The following SKA2 variants were observed in gnomAD, a reference collection of about 807,000 sequenced individuals.
The protein encoded by SKA2 is spindle and kinetochore associated complex subunit 2.
In SKA2, 13 loss-of-function variants were observed where a neutral mutation model predicts 16.9. The observed-to-expected ratio is 0.77, with a 90% CI of 0.50 to 1.22. The LOEUF (loss-of-function observed/expected upper bound fraction) is 1.22, where lower values mean the gene tolerates loss of function less well. Ranked by LOEUF, SKA2 falls within the 50% of genes most tolerant of loss-of-function variation. The pLI is 0.00. For synonymous variants in SKA2, 47 were observed against 48.5 expected (o/e 0.97, Z 0.13); for missense variants, 107 against 139.7 (o/e 0.77, Z 1.18).
intron 2 of SKA2, chr17:59,124,329 G>T (rs1002250460): frequency 3.3e-5 from 5 of 152,004 alleles, no homozygotes; most frequent in Non-Finnish European, 7.3e-5. Context: ...CTACGCAGGA[G>T]ACTGAGGTGG....
chr17:59,125,894 G>A (rs1039730454), intron 2 of SKA2, among the ~76,000 whole-genome samples: 15 of 152,066 alleles, frequency 9.9e-5, no homozygotes, highest in Non-Finnish European at 2.2e-4. Flanking sequence ...TTTCTCTGCC[G>A]GGCGTGGTGG....
intron 1 of SKA2, chr17:59,137,893 A>C (rs369171474): frequency 1.4e-5 from 7 of 490,664 alleles, no homozygotes; most frequent in African/African-American, 1.2e-4. Flanking sequence ...GTTAGATGGC[A>C]GAAATTCACT....
At chr17:59,138,638 C>G (rs1052566425) in intron 1 of SKA2, among the ~76,000 whole-genome samples, 7 of 151,812 alleles carry the variant, frequency 4.6e-5, no homozygotes, top group African/African-American at 1.5e-4. Flanking sequence ...CACCATTTTG[C>G]CCAGACTAGT....
chr17:59,122,608 C>T (rs1363562687), intron 2 of SKA2, among the ~76,000 whole-genome samples: 1 of 151,918 alleles, frequency 6.6e-6, no homozygotes, highest in Non-Finnish European at 1.5e-5. Context: ...AAGACTCCAT[C>T]TCAAAAAATA....
At chr17:59,132,004 A>G (rs2046414849) in intron 1 of SKA2, among the ~76,000 whole-genome samples, 1 of 152,204 alleles carries the variant, frequency 6.6e-6, no homozygotes, top group Middle Eastern at 3.2e-3. Flanking sequence ...GAGAACTACC[A>G]CCCTGAGGCC....
At chr17:59,115,297 A>G (rs1049723908) in intron 3 of SKA2, among the ~76,000 whole-genome samples, 2 of 152,032 alleles carry the variant, frequency 1.3e-5, no homozygotes, top group African/African-American at 2.4e-5. Flanking sequence ...ACCTCAGGTG[A>G]TCCACCTGTC....
intron 1 of SKA2, among the ~76,000 whole-genome samples, chr17:59,150,863 C>T (rs1192259086): frequency 1.3e-5 from 2 of 152,104 alleles, no homozygotes; most frequent in African/African-American, 2.4e-5. Flanking sequence ...AGAACCTATC[C>T]AAATATGTAA....
chr17:59,142,580 G>A (rs190297270), intron 1 of SKA2, among the ~76,000 whole-genome samples: 6 of 149,782 alleles, frequency 4.0e-5, no homozygotes, highest in Admixed American at 4.0e-4. Flanking sequence ...GTGAGTCACC[G>A]TGCCCAGCCT....
intron 2 of SKA2, among the ~76,000 whole-genome samples, chr17:59,130,698 G>A (rs2147806335): frequency 6.6e-6 from 1 of 151,696 alleles, no homozygotes; most frequent in Admixed American, 6.6e-5. Flanking sequence ...AAACATTATT[G>A]AATTAGTGAT....
intron 3 of SKA2, 109 bp from the exon 4 acceptor site, chr17:59,112,454 ATG>A (rs1281165649): frequency 2.7e-6 from 2 of 734,998 alleles, no homozygotes; most frequent in African/African-American, 3.6e-5. Flanking sequence ...AGCTTATACT[ATG>A]TATGTAATCA....
At chr17:59,117,669 C>T (rs1003479723) in intron 3 of SKA2, among the ~76,000 whole-genome samples, 33 of 151,626 alleles carry the variant, frequency 2.2e-4, no homozygotes, top group African/African-American at 7.8e-4. Flanking sequence ...AACTGATCCT[C>T]CTGCCTTGGC....
chr17:59,112,163 A>G lies in SKA2; in HGVS notation c.*114T>C, dbSNP rs2046267682. 3.9e-6 allele frequency: 3 copies of G among 766,786 alleles called. No homozygotes were observed. The highest frequency in any genetic ancestry group is 2.5e-5 in the East Asian group (1 of 39,280). The allele number at this position is 766,786 out of a possible 1,614,324, so 47.5% of individuals were successfully genotyped here. A position where few individuals can be genotyped will look rare whatever the true frequency, so the allele number is the denominator to read the frequency against. On this transcript the variant is annotated 3_prime_UTR_variant, in exon 4 of 4. Coordinates refer to ENST00000330137, the MANE Select transcript of SKA2 (RefSeq NM_182620.4). ...TATCATTATCCAGTCATTGAAGCCA[A>G]ACCCCCTTCACCAGCCCCCAATCTC... is the stretch of plus-strand genomic sequence containing the variant.
At chr17:59,114,471 A>G (rs548050056) in intron 3 of SKA2, among the ~76,000 whole-genome samples, 4 of 152,346 alleles carry the variant, frequency 2.6e-5, no homozygotes, top group South Asian at 2.1e-4. Context: ...ACTGTACTGA[A>G]TACCGTAGGC....
chr17:59,129,618 G>C (rs961427467), intron 2 of SKA2, among the ~76,000 whole-genome samples: 3 of 152,030 alleles, frequency 2.0e-5, no homozygotes, highest in Non-Finnish European at 2.9e-5. Context: ...AGCACTTTAG[G>C]AGGCTGAGGC....
At chr17:59,116,910 C>G (rs1386352392) in intron 3 of SKA2, among the ~76,000 whole-genome samples, 1 of 150,762 alleles carries the variant, frequency 6.6e-6, no homozygotes, top group Non-Finnish European at 1.5e-5. Context: ...CTCCGCCTCC[C>G]AGGTTCAAGC....
At chr17:59,128,265 A>C (rs897321985) in intron 2 of SKA2, among the ~76,000 whole-genome samples, 2 of 152,018 alleles carry the variant, frequency 1.3e-5, no homozygotes, top group African/African-American at 2.4e-5. Flanking sequence ...CATACAGTGG[A>C]GTATTACTCA....
chr17:59,123,033 AAAAAAAG>A (rs1341712541), intron 2 of SKA2, among the ~76,000 whole-genome samples: 1 of 150,856 alleles, frequency 6.6e-6, no homozygotes, highest in Admixed American at 6.6e-5. Flanking sequence ...AAAAAAAAAA[AAAAAAAG>A]AAAAGAAAAG....
intron 3 of SKA2, among the ~76,000 whole-genome samples, chr17:59,113,787 T>C (rs2046278849): frequency 6.6e-6 from 1 of 150,868 alleles, no homozygotes; most frequent in African/African-American, 2.4e-5. Context: ...GATTACGCCA[T>C]TGCACTCCAG....
chr17:59,119,450 G>A lies in SKA2; in HGVS notation c.166C>T (p.Arg56Ter), dbSNP rs757162532. Residue 56 changes from arginine to a stop codon, truncating the protein, a stop_gained, in exon 3 of 4, where the codon CGA becomes TGA. Transcript: ENST00000330137. LOFTEE classifies it high-confidence loss of function. ...AAGCGGGCATACAAAGTTTGATATCGAGACTTTATCACTGACAATTCCTTT... is the reference window on the plus strand; with the variant it reads ...AAGCGGGCATACAAAGTTTGATATCAAGACTTTATCACTGACAATTCCTTT... ...LLKELSVIKS[R>*]YQTLYARFKP... The A allele has an allele frequency of 6.8e-6, 11 of 1,613,924 alleles. No homozygotes were observed. Among genetic ancestry groups the A allele is most frequent in the Non-Finnish European group, 9.3e-6 (11 of 1,179,870 alleles).
Sources: gnomAD v4.1 joint callset for allele counts (sites outside exome capture counted in the v4.1 genomes callset) on GRCh38, gnomAD v4.1.1 for gene constraint, MANE v1.5 for transcripts, NCBI Gene and HGNC (gene_info 2026-07-23, HGNC 2026-07-21) for gene names.